The following PHF14 variants were observed in gnomAD, a reference collection of about 807,000 sequenced individuals.
PHF14 encodes the protein PHD finger protein 14.
In PHF14, 55 loss-of-function variants were observed where a neutral mutation model predicts 117.9. That is an observed-to-expected ratio of 0.47 (90% CI 0.38 to 0.58). The LOEUF (loss-of-function observed/expected upper bound fraction) is 0.58, where lower values mean the gene tolerates loss of function less well. PHF14 is among the 20% of genes least tolerant of loss of function. PHF14 has a pLI of 0.00. For missense variants in PHF14, 978 were observed against 1,122.2 expected, an observed-to-expected ratio of 0.87 and a Z score of 1.84; for synonymous variants, 409 against 368.6, an observed-to-expected ratio of 1.11 and a Z score of -1.26.
At chr7:11,127,706 A>T in intron 17 of PHF14, among the ~76,000 whole-genome samples, 1 of 152,068 alleles carries the variant, frequency 6.6e-6, no homozygotes, top group East Asian at 1.9e-4. Flanking sequence ...CATTCTTCAG[A>T]CTTCTCCTTT....
intron 16 of PHF14, among the ~76,000 whole-genome samples, chr7:11,081,057 G>GTA (rs1279765943): frequency 6.6e-6 from 1 of 151,982 alleles, no homozygotes; most frequent in Non-Finnish European, 1.5e-5. Context: ...AAATATATAT[G>GTA]TATATATGTG....
chr7:11,082,828 G>C (rs748076297), intron 16 of PHF14, among the ~76,000 whole-genome samples: 2 of 152,136 alleles, frequency 1.3e-5, no homozygotes, highest in Non-Finnish European at 2.9e-5. Flanking sequence ...GATATGACAA[G>C]ATTTCTCTTC....
intron 16 of PHF14, among the ~76,000 whole-genome samples, chr7:11,086,903 T>A (rs894781530): frequency 2.0e-5 from 3 of 152,196 alleles, no homozygotes; most frequent in Non-Finnish European, 4.4e-5. Context: ...CTTGGGTTTC[T>A]ATGGATAGTA....
intron 17 of PHF14, among the ~76,000 whole-genome samples, chr7:11,113,583 C>T (rs375582276): frequency 1.3e-5 from 2 of 151,988 alleles, no homozygotes; most frequent in Admixed American, 6.6e-5. Flanking sequence ...TTTGTATTTT[C>T]GTTATACTTA....
chr7:11,157,510 T>C (rs555724671), intron 17 of PHF14, among the ~76,000 whole-genome samples: 2 of 152,292 alleles, frequency 1.3e-5, no homozygotes, highest in South Asian at 2.1e-4. Flanking sequence ...AGTACCTCTT[T>C]TTCCCTATAT....
chr7:11,138,862 T>C (rs997256758), intron 17 of PHF14, among the ~76,000 whole-genome samples: 1 of 152,308 alleles, frequency 6.6e-6, no homozygotes, highest in African/African-American at 2.4e-5. Flanking sequence ...ATTGTGTTAC[T>C]TGGAACTCAA....
At chr7:10,983,479 G>A (rs1782114083) in intron 3 of PHF14, among the ~76,000 whole-genome samples, 1 of 152,110 alleles carries the variant, frequency 6.6e-6, no homozygotes, top group African/African-American at 2.4e-5. Flanking sequence ...TTTGTTCACA[G>A]GACTGCTGAA....
In PHF14 at chr7:11,061,672, T is replaced by G. The variant is rs1205957959; in HGVS notation, c.2482-119T>G. The G allele has an allele frequency of 6.2e-6, 4 of 649,776 alleles. No homozygotes were observed. The Admixed American group carries it at 1.1e-4, about 18-fold the overall frequency. 40.3% of individuals were successfully genotyped at this position (649,776 alleles called of 1,614,324 possible). On this transcript the variant is annotated intron_variant, in intron 14 of 17. Transcript: ENST00000634607. ...ATAGTATTAATTAGAAATAACTAAT[T>G]TTGCAAGTGCCTAACCTAAGCAATA...
intron 16 of PHF14, chr7:11,062,748 G>A (rs1304729742): frequency 1.1e-5 from 11 of 985,002 alleles, no homozygotes; most frequent in Middle Eastern, 5.2e-4. Context: ...TAATTTTAGC[G>A]GAAATGAAGA....
intron 11 of PHF14, among the ~76,000 whole-genome samples, chr7:11,040,308 A>G (rs1453465271): frequency 2.0e-5 from 3 of 152,128 alleles, no homozygotes; most frequent in Admixed American, 6.6e-5. Flanking sequence ...TGGAACACCA[A>G]TATAGCTGGG....
chr7:11,018,463 C>T (rs1237061294), intron 5 of PHF14, among the ~76,000 whole-genome samples: 1 of 151,978 alleles, frequency 6.6e-6, no homozygotes, highest in Non-Finnish European at 1.5e-5. Context: ...AAATCTTTTA[C>T]TTCTTTAAGT....
chr7:11,024,600 A>G (rs1783848733), intron 6 of PHF14, among the ~76,000 whole-genome samples: 1 of 152,168 alleles, frequency 6.6e-6, no homozygotes, highest in South Asian at 2.1e-4. Flanking sequence ...GCCCTTAAGA[A>G]TTATGTTAAA....
intron 16 of PHF14, among the ~76,000 whole-genome samples, chr7:11,064,524 A>C (rs1785356814): frequency 6.6e-6 from 1 of 151,964 alleles, no homozygotes; most frequent in Non-Finnish European, 1.5e-5. Flanking sequence ...TACTGTGTTT[A>C]CTTTCTCAAG....
chr7:11,081,712 G>C (rs2020391), intron 16 of PHF14, among the ~76,000 whole-genome samples: 84,119 of 151,750 alleles, frequency 0.55, 24,999 homozygotes, highest in East Asian at 0.85. Context: ...AAAAATTAGC[G>C]GGGTGTGGTG....
chr7:11,047,494 G>T (rs1784708569), intron 13 of PHF14, among the ~76,000 whole-genome samples: 1 of 151,512 alleles, frequency 6.6e-6, no homozygotes, highest in African/African-American at 2.4e-5. Context: ...ACATATAGAA[G>T]GTATAGAAAA....
intron 17 of PHF14, among the ~76,000 whole-genome samples, chr7:11,151,989 A>G (rs1195752394): frequency 6.6e-6 from 1 of 152,182 alleles, no homozygotes; most frequent in Non-Finnish European, 1.5e-5. Context: ...AATAAATCCT[A>G]AATATTTTCA....
chr7:11,010,944 A>C (rs1401123498), intron 4 of PHF14, among the ~76,000 whole-genome samples: 1 of 152,192 alleles, frequency 6.6e-6, no homozygotes, highest in Non-Finnish European at 1.5e-5. Flanking sequence ...CATGAACTAC[A>C]CGCCTTGGCT....
intron 16 of PHF14, among the ~76,000 whole-genome samples, chr7:11,085,472 T>C (rs1786356164): frequency 1.3e-5 from 2 of 152,202 alleles, no homozygotes; most frequent in African/African-American, 4.8e-5. Context: ...GTTTGGTGAT[T>C]AATTCTAAAG....
intron 9 of PHF14, 67 bp from the exon 10 acceptor site, chr7:11,036,918 A>G (rs1784338601): frequency 9.4e-7 from 1 of 1,068,810 alleles, no homozygotes; most frequent in Non-Finnish European, 1.4e-6. Flanking sequence ...TCATCTTTAT[A>G]GCTAGTTTCT....
Sources: gnomAD v4.1 joint callset for allele counts (sites outside exome capture counted in the v4.1 genomes callset) on GRCh38, gnomAD v4.1.1 for gene constraint, MANE v1.5 for transcripts, NCBI Gene and HGNC (gene_info 2026-07-23, HGNC 2026-07-21) for gene names.